NCOA2: variants seen among roughly 807,000 people sequenced by gnomAD.
NCOA2 encodes class E basic helix-loop-helix protein 75.
NCOA2 carries 21 observed loss-of-function variants against 145.1 expected under a neutral mutation model. That is an observed-to-expected ratio of 0.14 (90% confidence interval 0.10 to 0.21). NCOA2 has a LOEUF of 0.21. NCOA2 is among the 10% of genes least tolerant of loss of function. The pLI, the probability that NCOA2 is intolerant of heterozygous loss-of-function variation, is 1.00. For synonymous variants in NCOA2, 619 were observed against 637.5 expected (o/e 0.97, Z 0.44); for missense variants, 1,472 against 1,837.6 (o/e 0.80, Z 3.64).
In NCOA2 at chr8:70,156,279, C is replaced by T; in HGVS notation, c.2086G>A (p.Asp696Asn). The change falls in exon 11 of 23, where the codon GAC becomes AAC. Residue 696 changes from aspartate to asparagine, a missense_variant. By Grantham distance (23) the Asp-to-Asn change is conservative (BLOSUM62 1). Around this residue, in one of 4 missense-constraint regions of NCOA2, gnomAD observed 953 missense variants for 1,062.1 expected, o/e 0.90. Transcript: ENST00000452400. ...KHKILHRLLQ[D>N]SSSPVDLAKL... The stretch of plus-strand genomic sequence containing the variant: ...GCCAAGTCCACAGGGGAACTGCTGT[C>T]CTGCAAGAGTCTGTGCAAAATTTTA... The T allele has an allele frequency of 6.2e-7, 1 of 1,613,944 alleles. No homozygotes were observed. The highest frequency in any genetic ancestry group is 1.7e-5 in the Admixed American group (1 of 60,006).
intron 1 of NCOA2, among the ~76,000 whole-genome samples, chr8:70,310,062 T>A (rs1828193321): frequency 6.6e-6 from 1 of 151,978 alleles, no homozygotes; most frequent in South Asian, 2.1e-4. Context: ...CCAGGCGCAG[T>A]GGCTCATACC....
intron 1 of NCOA2, among the ~76,000 whole-genome samples, chr8:70,362,537 G>A (rs75342063): frequency 0.032 from 4,868 of 152,154 alleles, 252 homozygotes; most frequent in African/African-American, 0.11. Flanking sequence ...ACAGATGGCA[G>A]ATAAGCTCAC....
intron 4 of NCOA2, among the ~76,000 whole-genome samples, chr8:70,196,271 G>A (rs1817298718): frequency 6.6e-6 from 1 of 152,180 alleles, no homozygotes; most frequent in Admixed American, 6.5e-5. Flanking sequence ...AGCTACTTGG[G>A]AGGCTGAGGC....
chr8:70,263,140 A>G (rs1200282825), intron 2 of NCOA2, among the ~76,000 whole-genome samples: 3 of 148,516 alleles, frequency 2.0e-5, no homozygotes, highest in Non-Finnish European at 3.0e-5. Context: ...AAGTCAAATA[A>G]GGGTCACTGG....
intron 2 of NCOA2, among the ~76,000 whole-genome samples, chr8:70,261,004 G>T (rs1824068144): frequency 6.6e-6 from 1 of 152,154 alleles, no homozygotes; most frequent in Non-Finnish European, 1.5e-5. Context: ...ACTGTTGCTG[G>T]GACTGTAAAC....
chr8:70,142,170 C>T, intron 13 of NCOA2, among the ~76,000 whole-genome samples: 1 of 152,192 alleles, frequency 6.6e-6, no homozygotes, highest in Middle Eastern at 3.2e-3. Flanking sequence ...TTTGCTAAGA[C>T]TTGATATTCT....
rs869045939 is a variant in NCOA2 at position 70,159,243 on chromosome 8, T to TATATATATATATATATATATATATATATA, written c.1124+261_1124+262insTATATATATATATATATATATATATATAT. Among the ~76,000 whole-genome samples the TATATATATATATATATATATATATATATA allele has an allele frequency of 2.7e-4, 22 of 82,052 alleles. 4 individuals are homozygous for TATATATATATATATATATATATATATATA. Among genetic ancestry groups the TATATATATATATATATATATATATATATA allele is most frequent in the African/African-American group, 4.5e-4 (9 of 20,112 alleles). 53.8% of individuals were successfully genotyped at this position (82,052 alleles called of 152,430 possible). A position where few individuals can be genotyped will look rare whatever the true frequency, so the allele number is the denominator to read the frequency against. On this transcript the variant is annotated intron_variant, in intron 10 of 22. Coordinates refer to ENST00000452400, the MANE Select transcript of NCOA2 (RefSeq NM_006540.4). ...AACATTATATATATATATATATATATTTTTTTTTTTTTCCCCCAAATATTT... is the reference window on the plus strand; with the variant it reads ...AACATTATATATATATATATATATATATATATATATATATATATATATATATATATTTTTTTTTTTTCCCCCAAATATTT...
intron 2 of NCOA2, among the ~76,000 whole-genome samples, chr8:70,282,423 T>C (rs891629143): frequency 6.6e-6 from 1 of 152,184 alleles, no homozygotes; most frequent in African/African-American, 2.4e-5. Flanking sequence ...CGGAGGCTCA[T>C]GCCTTTAATC....
chr8:70,229,591 G>C (rs1292188165), intron 2 of NCOA2, among the ~76,000 whole-genome samples: 4 of 152,132 alleles, frequency 2.6e-5, no homozygotes, highest in Non-Finnish European at 5.9e-5. Context: ...TGGGATCCGG[G>C]GATTTGGGAG....
At chr8:70,213,869 T>A (rs752497754) in intron 4 of NCOA2, 34 bp downstream of exon 4, 1 of 1,523,232 alleles carries the variant, frequency 6.6e-7, no homozygotes, top group South Asian at 1.2e-5. Flanking sequence ...AGAAACCAAT[T>A]CAACTCTTCA....
chr8:70,216,252 G>A (rs1819605714), intron 3 of NCOA2, among the ~76,000 whole-genome samples: 1 of 152,108 alleles, frequency 6.6e-6, no homozygotes, highest in South Asian at 2.1e-4. Context: ...TCACTAAAGA[G>A]CCACAATCTT....
At chr8:70,141,122 T>C (rs1810359785) in intron 14 of NCOA2, 62 bp downstream of exon 14, 4 of 1,486,774 alleles carry the variant, frequency 2.7e-6, no homozygotes, top group African/African-American at 2.8e-5. Context: ...AAAGAACTTA[T>C]GACGCTCTCT....
intron 1 of NCOA2, among the ~76,000 whole-genome samples, chr8:70,383,430 T>C (rs139772180): frequency 1.8e-4 from 27 of 152,378 alleles, no homozygotes; most frequent in African/African-American, 5.8e-4. Context: ...TAAATTGGAA[T>C]ACTTGAAATC....
At chr8:70,247,420 T>C (rs186382816) in intron 2 of NCOA2, among the ~76,000 whole-genome samples, 8 of 152,332 alleles carry the variant, frequency 5.3e-5, no homozygotes, top group Admixed American at 3.3e-4. Flanking sequence ...GTTATAATGA[T>C]TTTTACCACC....
chr8:70,159,370 T>C, intron 10 of NCOA2, 135 bp downstream of exon 10: 2 of 840,964 alleles, frequency 2.4e-6, no homozygotes, highest in South Asian at 2.9e-5. Flanking sequence ...AACAATTTAA[T>C]TTTATATTTT....
At chr8:70,347,393 G>A (rs892502910) in intron 1 of NCOA2, among the ~76,000 whole-genome samples, 2 of 151,936 alleles carry the variant, frequency 1.3e-5, no homozygotes, top group African/African-American at 2.4e-5. Context: ...ACTGAGGCAG[G>A]AGACTCACTT....
At chr8:70,416,313 C>A in the NCOA2 span, among the ~76,000 whole-genome samples, 1 of 151,622 alleles carries the variant, frequency 6.6e-6, no homozygotes, top group Non-Finnish European at 1.5e-5. Flanking sequence ...TAGTGTTTGG[C>A]CAAACAACTG....
At chr8:70,408,775 C>CT (rs34645469), upstream of NCOA2, among the ~76,000 whole-genome samples, 40,583 of 125,796 alleles carry the variant, frequency 0.32, 7,993 homozygotes, top group East Asian at 0.66. Flanking sequence ...CCACACCCAG[C>CT]TTTTTTTTTT....
chr8:70,354,310 G>A (rs939774098), intron 1 of NCOA2, among the ~76,000 whole-genome samples: 11 of 152,028 alleles, frequency 7.2e-5, no homozygotes, highest in East Asian at 3.9e-4. Context: ...ACTTTATAAC[G>A]ATTTATTTTG....
Sources: gnomAD v4.1 joint callset for allele counts (sites outside exome capture counted in the v4.1 genomes callset) on GRCh38, gnomAD v4.1.1 for gene constraint, gnomAD v4.1.1 regional missense constraint, MANE v1.5 for transcripts, NCBI Gene and HGNC (gene_info 2026-07-23, HGNC 2026-07-21) for gene names.